GNL3L: variants seen among roughly 807,000 people sequenced by gnomAD.
The protein encoded by GNL3L is guanine nucleotide-binding protein-like 3-like protein.
Under a neutral mutation model 42.9 loss-of-function variants are expected in GNL3L, and 4 were observed. The ratio of observed to expected loss-of-function variants is 0.09; its 90% confidence interval spans 0.05 to 0.21. The LOEUF is 0.21. Ranked by LOEUF, GNL3L falls within the 10% of genes least tolerant of loss-of-function variation. The pLI is 1.00. For missense variants in GNL3L, 412 were observed against 481.7 expected, an observed-to-expected ratio of 0.86 and a Z score of 1.36; for synonymous variants, 159 against 176.3, an observed-to-expected ratio of 0.90 and a Z score of 0.78.
chrX:54,640,241 G>C, the GNL3L span, among the ~76,000 whole-genome samples: 1 of 111,454 alleles, frequency 9.0e-6, no homozygotes, highest in South Asian at 3.8e-4. Flanking sequence ...GTTGATTGAC[G>C]GAAGGAAAAG....
intron 16 of GNL3L, among the ~76,000 whole-genome samples, chrX:54,572,371 A>G (rs199940902): frequency 4.5e-5 from 5 of 111,001 alleles, no homozygotes; most frequent in Admixed American, 2.8e-4. Context: ...TTTTCTTAGT[A>G]CAGAACAAAA....
At position 54,551,658 on chromosome X, in the gene GNL3L, C is replaced by T; in HGVS notation, c.954C>T (p.Ile318=). 3 of 1,210,567 alleles carry T rather than the reference C, an allele frequency of 2.5e-6. No individual in the cohort carries two copies. In the East Asian group the frequency reaches 8.9e-5, roughly 36 times the overall value. Residue 318 remains isoleucine (I), a synonymous_variant, in exon 11 of 16, where the codon ATC becomes ATT. Coordinates refer to ENST00000360845, the MANE Select transcript of GNL3L (RefSeq NM_001184819.2). ...GGCCCAACTCAGAGGTGGGCACCAT[C>T]CTGCGTAACTGCGTCCACGTGCAGA... ...VPGPNSEVGT[I]LRNCVHVQKL...
chrX:54,619,368 A>T (rs1926259879), intron 16 of GNL3L, among the ~76,000 whole-genome samples: 1 of 111,627 alleles, frequency 9.0e-6, no homozygotes, highest in Non-Finnish European at 1.9e-5. Context: ...AGAAAGAGAA[A>T]GTTTCACAAT....
At chrX:54,544,077 G>A (rs780820521) in intron 7 of GNL3L, 146 bp from the exon 8 acceptor site, 9 of 435,422 alleles carry the variant, frequency 2.1e-5, no homozygotes, top group East Asian at 8.0e-5. Flanking sequence ...TCCAACCTGC[G>A]GACTGGATGG....
intron 2 of GNL3L, among the ~76,000 whole-genome samples, chrX:54,537,377 A>G (rs1924469268): frequency 9.0e-6 from 1 of 110,614 alleles, no homozygotes; most frequent in African/African-American, 3.3e-5. Flanking sequence ...CCTCAAGCCT[A>G]TGTTCAACTT....
At chrX:54,596,313 A>G (rs1435727037) in intron 16 of GNL3L, among the ~76,000 whole-genome samples, 1 of 112,146 alleles carries the variant, frequency 8.9e-6, no homozygotes, top group African/African-American at 3.2e-5. Context: ...CTGCAAACTC[A>G]TAAAGGTAGC....
At chrX:54,621,675 C>T (rs1162755250), downstream of GNL3L, among the ~76,000 whole-genome samples, 2 of 111,387 alleles carry the variant, frequency 1.8e-5, no homozygotes, top group Non-Finnish European at 3.8e-5. Context: ...GCATGATGGC[C>T]TGCACCCATA....
At chrX:54,605,752 T>G (rs758590105) in intron 16 of GNL3L, among the ~76,000 whole-genome samples, 1 of 111,440 alleles carries the variant, frequency 9.0e-6, no homozygotes, top group East Asian at 2.8e-4. Flanking sequence ...TTGTCTTTGC[T>G]CGCGTTCTTC....
intron 16 of GNL3L, among the ~76,000 whole-genome samples, chrX:54,580,564 G>A (rs1314453117): frequency 9.0e-6 from 1 of 110,646 alleles, no homozygotes; most frequent in Non-Finnish European, 1.9e-5. Context: ...AGATCCCTGA[G>A]GAGTCGCCAC....
At chrX:54,544,470 C>CTTT in intron 8 of GNL3L, 144 bp downstream of exon 8, 11 of 343,278 alleles carry the variant, frequency 3.2e-5, no homozygotes, top group Admixed American at 1.1e-4. Context: ...CACCGAGTGA[C>CTTT]TTTTTTTTTT....
chrX:54,586,808 T>C (rs1925789294), intron 16 of GNL3L, among the ~76,000 whole-genome samples: 2 of 111,349 alleles, frequency 1.8e-5, no homozygotes, highest in African/African-American at 6.5e-5. Context: ...GAGCACACCA[T>C]CCAGGAGGCT....
chrX:54,633,365 G>A, the GNL3L span, among the ~76,000 whole-genome samples: 1 of 111,641 alleles, frequency 9.0e-6, no homozygotes, highest in Non-Finnish European at 1.9e-5. Context: ...GCTTTCAAGA[G>A]AGCATCAGCT....
At chrX:54,585,947 GTTTC>G (rs1440704635) in intron 16 of GNL3L, among the ~76,000 whole-genome samples, 1 of 110,910 alleles carries the variant, frequency 9.0e-6, no homozygotes, top group Non-Finnish European at 1.9e-5. Flanking sequence ...TTCCATTTTT[GTTTC>G]TTTCAAGATT....
In GNL3L at chrX:54,539,342, G is replaced by A. The variant is rs187598516; in HGVS notation, c.81+241G>A. Reference sequence around the variant, plus strand: ...GGATTATCATTATCCCCATGTTTTAGTTGAGGAAACTGTCAGTGAGAAAGT... The same window carrying A: ...GGATTATCATTATCCCCATGTTTTAATTGAGGAAACTGTCAGTGAGAAAGT... On this transcript the variant is annotated intron_variant, in intron 3 of 15. Coordinates refer to ENST00000360845, the MANE Select transcript of GNL3L (RefSeq NM_001184819.2). 2.2e-4 allele frequency among the ~76,000 whole-genome samples: 25 copies of A among 111,383 alleles called. No individual in the cohort carries two copies. In the East Asian group the frequency reaches 6.5e-3, roughly 29 times the overall value.
chrX:54,574,541 C>T (rs1267849502), intron 16 of GNL3L, among the ~76,000 whole-genome samples: 2 of 112,212 alleles, frequency 1.8e-5, no homozygotes, highest in African/African-American at 3.2e-5. Flanking sequence ...TTTGCTACTA[C>T]TTTCTTGAGA....
chrX:54,565,188 G>A lies in GNL3L; in HGVS notation c.*4586G>A, dbSNP rs1346138638. Among the ~76,000 whole-genome samples the A allele has an allele frequency of 1.8e-5, 2 of 111,814 alleles. No individual in the cohort carries two copies. Among genetic ancestry groups the A allele is most frequent in the African/African-American group, 6.5e-5 (2 of 30,792 alleles). On this transcript the variant is annotated 3_prime_UTR_variant, in exon 16 of 16. Transcript: ENST00000360845. ...TCTTATTTCTGAGTCACTCCATTGT[G>A]TGGATTTACTACTGTTTGTTCCCCA...
At chrX:54,567,476 G>T (rs1394173993), downstream of GNL3L, among the ~76,000 whole-genome samples, 1 of 109,332 alleles carries the variant, frequency 9.1e-6, no homozygotes. Context: ...GAGAAACCCC[G>T]TCTCTACTAA....
chrX:54,561,955 GGTATTTT>G lies in GNL3L; in HGVS notation c.*1355_*1361del, dbSNP rs1259284217. 8.9e-6 allele frequency among the ~76,000 whole-genome samples: 1 copy of G among 112,065 alleles called. No homozygotes were observed. Among genetic ancestry groups the G allele is most frequent in the Non-Finnish European group, 1.9e-5 (1 of 53,147 alleles). On this transcript the variant is annotated 3_prime_UTR_variant, in exon 16 of 16. Transcript: ENST00000360845. ...AAACACAATCTTCTTTCTTTGCCAGGGTATTTTGGGGGTTTTGCCCCAAAATATACCC... is the reference window on the plus strand; with the variant it reads ...AAACACAATCTTCTTTCTTTGCCAGGGGGGGTTTTGCCCCAAAATATACCC...
chrX:54,586,652 C>T (rs1332182239), intron 16 of GNL3L, among the ~76,000 whole-genome samples: 1 of 112,461 alleles, frequency 8.9e-6, no homozygotes, highest in South Asian at 3.7e-4. Context: ...AGTAGTAGGG[C>T]CACAGTGCAG....
Sources: allele counts gnomAD v4.1 joint callset (sites outside exome capture counted in the v4.1 genomes callset), GRCh38; gene constraint gnomAD v4.1.1; transcripts MANE v1.5; gene names NCBI Gene and HGNC (gene_info 2026-07-23, HGNC 2026-07-21).